ADK: variants seen among roughly 807,000 people sequenced by gnomAD.
ADK encodes the protein adenosine kinase.
In ADK, 24 loss-of-function variants were observed where a neutral mutation model predicts 44.7. That is an observed-to-expected ratio of 0.54 (90% CI 0.39 to 0.76). The LOEUF (loss-of-function observed/expected upper bound fraction) is 0.76. Among genes scored for constraint, ADK ranks in the 30% least tolerant of loss-of-function variants. The probability of loss-of-function intolerance (pLI) is 0.00; values close to 1 mark genes in which losing one functional copy is unlikely to be tolerated. For missense variants in ADK, 321 were observed against 425.1 expected (o/e 0.76, Z 2.15); for synonymous variants, 128 against 142.6 (o/e 0.90, Z 0.73).
intron 10 of ADK, among the ~76,000 whole-genome samples, chr10:74,681,869 AGTT>A (rs1564850208): frequency 6.8e-6 from 1 of 147,008 alleles, no homozygotes; most frequent in East Asian, 1.9e-4. Flanking sequence ...AAAAAAAAAA[AGTT>A]GTCAGTTAAG....
At chr10:74,259,184 A>T (rs769802969) in intron 3 of ADK, among the ~76,000 whole-genome samples, 1 of 151,724 alleles carries the variant, frequency 6.6e-6, no homozygotes, top group Non-Finnish European at 1.5e-5. Context: ...GCCTCAAGTG[A>T]TCTGCCTGCC....
At chr10:74,162,520 T>TG (rs1260835328) in intron 1 of ADK, among the ~76,000 whole-genome samples, 14 of 113,736 alleles carry the variant, frequency 1.2e-4, no homozygotes, top group African/African-American at 3.4e-4. Flanking sequence ...TTGCATTTCT[T>TG]TTGTGTGTGT....
intron 6 of ADK, among the ~76,000 whole-genome samples, chr10:74,524,522 A>G (rs1307506142): frequency 1.3e-5 from 2 of 152,162 alleles, no homozygotes; most frequent in African/African-American, 4.8e-5. Context: ...TCTCATGAGT[A>G]GCTGGGACCA....
chr10:74,514,539 T>A (rs926148909), intron 6 of ADK, among the ~76,000 whole-genome samples: 3 of 152,216 alleles, frequency 2.0e-5, no homozygotes, highest in Admixed American at 6.5e-5. Context: ...GTCTGTTGTT[T>A]AGCTCTTTAT....
intron 6 of ADK, among the ~76,000 whole-genome samples, chr10:74,492,938 C>A (rs1330307347): frequency 6.6e-6 from 1 of 152,112 alleles, no homozygotes; most frequent in East Asian, 1.9e-4. Context: ...TCTGAGAGTA[C>A]CTAACTATCC....
intron 6 of ADK, among the ~76,000 whole-genome samples, chr10:74,483,635 C>A (rs1847154594): frequency 6.6e-6 from 1 of 152,190 alleles, no homozygotes; most frequent in African/African-American, 2.4e-5. Context: ...TCTCTTTGCT[C>A]ACATATATGA....
At chr10:74,436,952 A>T (rs1039712444) in intron 6 of ADK, among the ~76,000 whole-genome samples, 1 of 152,204 alleles carries the variant, frequency 6.6e-6, no homozygotes, top group Non-Finnish European at 1.5e-5. Flanking sequence ...GACATTTTGC[A>T]TATAGAAAAT....
intron 1 of ADK, among the ~76,000 whole-genome samples, chr10:74,195,648 TC>T (rs1338154272): frequency 6.6e-6 from 1 of 150,508 alleles, no homozygotes; most frequent in Non-Finnish European, 1.5e-5. Flanking sequence ...CATGCCTGGC[TC>T]AATTTTTTAT....
At chr10:74,232,743 A>G (rs1844821446) in intron 3 of ADK, among the ~76,000 whole-genome samples, 2 of 152,132 alleles carry the variant, frequency 1.3e-5, no homozygotes, top group Non-Finnish European at 2.9e-5. Context: ...CTCCTGCCTC[A>G]GCTTCCCAAG....
At position 74,306,136 on chromosome 10, in the gene ADK, A is replaced by G. The variant is rs984218413; in HGVS notation, c.195-8531A>G. Among the ~76,000 whole-genome samples, 12 of 150,198 alleles carry G rather than the reference A, an allele frequency of 8.0e-5. 1 individual carries two copies. The South Asian group carries it at 2.3e-3, about 29-fold the overall frequency. On this transcript the variant is annotated intron_variant, in intron 3 of 10. Coordinates refer to ENST00000539909, the MANE Select transcript of ADK (RefSeq NM_006721.4). ...GTCCTATAGGTCTGAGTCTTTTTTC[A>G]TTTTTTAAAAAAATCCTTTTTCTGT...
At chr10:74,313,628 C>T (rs2131801491) in intron 3 of ADK, among the ~76,000 whole-genome samples, 1 of 151,648 alleles carries the variant, frequency 6.6e-6, no homozygotes, top group South Asian at 2.1e-4. Flanking sequence ...AAGATGTGTC[C>T]AAGTATGGGG....
At chr10:74,258,884 C>T (rs1031705051) in intron 3 of ADK, among the ~76,000 whole-genome samples, 10 of 150,578 alleles carry the variant, frequency 6.6e-5, no homozygotes, top group South Asian at 6.3e-4. Context: ...GATTGTTTAA[C>T]GTATACATAA....
intron 6 of ADK, among the ~76,000 whole-genome samples, chr10:74,430,709 G>A (rs975339225): frequency 1.3e-5 from 2 of 152,008 alleles, no homozygotes; most frequent in African/African-American, 4.8e-5. Flanking sequence ...GGAATAAATA[G>A]TAGAGAATGA....
intron 6 of ADK, among the ~76,000 whole-genome samples, chr10:74,513,730 G>C (rs1040990199): frequency 6.6e-6 from 1 of 151,954 alleles, no homozygotes; most frequent in African/African-American, 2.4e-5. Flanking sequence ...ATTTACAATC[G>C]TGTTATTATT....
At chr10:74,394,364 G>T in intron 5 of ADK, 51 bp downstream of exon 5, 1 of 1,548,194 alleles carries the variant, frequency 6.5e-7, no homozygotes, top group South Asian at 1.1e-5. Flanking sequence ...TTTTAACACT[G>T]GTAAAATATG....
intron 6 of ADK, among the ~76,000 whole-genome samples, chr10:74,458,898 C>T (rs1030087842): frequency 2.0e-5 from 3 of 152,114 alleles, no homozygotes; most frequent in African/African-American, 7.2e-5. Context: ...TCATTTAAAA[C>T]TTGACCAAAA....
intron 9 of ADK, among the ~76,000 whole-genome samples, chr10:74,651,925 T>G (rs184574955): frequency 6.6e-6 from 1 of 152,314 alleles, no homozygotes; most frequent in African/African-American, 2.4e-5. Context: ...ATGATTACAT[T>G]TATTTGAATT....
chr10:74,668,882 CA>C (rs1157473095), intron 9 of ADK, among the ~76,000 whole-genome samples: 7 of 150,936 alleles, frequency 4.6e-5, no homozygotes, highest in Admixed American at 1.3e-4. Flanking sequence ...ACCCGCCCCC[CA>C]AAAAAAAGCA....
intron 9 of ADK, among the ~76,000 whole-genome samples, chr10:74,659,616 A>C (rs1854622543): frequency 6.6e-6 from 1 of 152,220 alleles, no homozygotes; most frequent in Admixed American, 6.5e-5. Flanking sequence ...TATCTATATA[A>C]ATGGGAGTTT....
Sources: allele counts gnomAD v4.1 joint callset (sites outside exome capture counted in the v4.1 genomes callset), GRCh38; gene constraint gnomAD v4.1.1; transcripts MANE v1.5; gene names NCBI Gene and HGNC (gene_info 2026-07-23, HGNC 2026-07-21).